Variants in NPFFR2 observed in about 807,000 individuals in gnomAD.
NPFFR2 encodes the protein neuropeptide FF receptor 2, also known as G-protein coupled receptor 74.
NPFFR2 carries 15 observed loss-of-function variants against 13.1 expected under a neutral mutation model. That is an observed-to-expected ratio of 1.15 (90% CI 0.77 to 1.76). NPFFR2 has a LOEUF of 1.76. Ranked by LOEUF, NPFFR2 falls within the 40% of genes most tolerant of loss-of-function variation. NPFFR2 has a pLI of 0.00. For missense variants in NPFFR2, 572 were observed against 503.5 expected, an observed-to-expected ratio of 1.14 and a Z score of -1.30; for synonymous variants, 190 against 175.7, an observed-to-expected ratio of 1.08 and a Z score of -0.65.
chr4:72,073,687 T>A (rs1720334152), intron 1 of NPFFR2, among the ~76,000 whole-genome samples: 1 of 152,020 alleles, frequency 6.6e-6, no homozygotes. Flanking sequence ...TTAGTTTATG[T>A]TTCTTAAAAC....
chr4:72,043,681 C>G (rs1719298791), intron 1 of NPFFR2, among the ~76,000 whole-genome samples: 1 of 152,212 alleles, frequency 6.6e-6, no homozygotes, highest in Admixed American at 6.5e-5. Context: ...AATGGTGTAT[C>G]TACCCAATGC....
rs1250432930 is a variant in NPFFR2 at position 72,147,641 on chromosome 4, C to T, written c.1092C>T (p.Ala364=). Residue 364 remains alanine, a synonymous_variant, in exon 4 of 4, where the codon GCC becomes GCT. Transcript: ENST00000308744. ...GAGCAAAGCCTATGGAAGCTTATGC[C>T]CTAAAAGCTAAAAGCCATGTGCTCA... ...QKRAKPMEAY[A]LKAKSHVLIN... The T allele has an allele frequency of 1.2e-6, 2 of 1,613,952 alleles. No individual in the cohort carries two copies. The highest frequency in any genetic ancestry group is 1.7e-5 in the Admixed American group (1 of 59,970).
chr4:72,082,777 C>T (rs1720665429), intron 1 of NPFFR2, among the ~76,000 whole-genome samples: 1 of 152,018 alleles, frequency 6.6e-6, no homozygotes, highest in Non-Finnish European at 1.5e-5. Flanking sequence ...TAACTGAAAC[C>T]TTGTATCCTT....
intron 3 of NPFFR2, among the ~76,000 whole-genome samples, chr4:72,142,640 G>T (rs1307731302): frequency 6.6e-6 from 1 of 152,058 alleles, no homozygotes; most frequent in Non-Finnish European, 1.5e-5. Context: ...TGAAACTATT[G>T]AATTTTCCAT....
intron 1 of NPFFR2, among the ~76,000 whole-genome samples, chr4:72,044,843 A>T (rs1166374694): frequency 6.6e-6 from 1 of 152,094 alleles, no homozygotes; most frequent in Non-Finnish European, 1.5e-5. Flanking sequence ...CCCATTCAGC[A>T]GAGTCTCTAT....
chr4:72,050,874 G>T (rs1394316086), intron 1 of NPFFR2, among the ~76,000 whole-genome samples: 1 of 148,678 alleles, frequency 6.7e-6, no homozygotes, highest in African/African-American at 2.5e-5. Context: ...TTTGGTTTTT[G>T]TTCTTGCGAT....
At chr4:72,107,387 C>T (rs776081287) in intron 1 of NPFFR2, among the ~76,000 whole-genome samples, 31 of 151,220 alleles carry the variant, frequency 2.0e-4, no homozygotes, top group Middle Eastern at 3.4e-3. Context: ...TTGCCCAATT[C>T]CCGGCTGTGT....
intron 1 of NPFFR2, among the ~76,000 whole-genome samples, chr4:72,032,453 T>G (rs1718950548): frequency 6.6e-6 from 1 of 152,180 alleles, no homozygotes; most frequent in African/African-American, 2.4e-5. Context: ...TCAAGGGATG[T>G]GGGGCGCTTT....
intron 1 of NPFFR2, among the ~76,000 whole-genome samples, chr4:72,081,208 A>C (rs1720607649): frequency 6.6e-6 from 1 of 152,194 alleles, no homozygotes; most frequent in Non-Finnish European, 1.5e-5. Flanking sequence ...TTTTAAAAGA[A>C]AATTTTATTA....
chr4:72,069,064 T>C, intron 1 of NPFFR2: 2 of 663,344 alleles, frequency 3.0e-6, no homozygotes, highest in Admixed American at 3.8e-5. Context: ...GAAAAAGAGA[T>C]AATACCAACA....
intron 2 of NPFFR2, among the ~76,000 whole-genome samples, chr4:72,132,521 G>A (rs1197041310): frequency 6.6e-6 from 1 of 152,164 alleles, no homozygotes; most frequent in Non-Finnish European, 1.5e-5. Context: ...CCTAGTATTG[G>A]GATTGCTGGG....
At chr4:72,122,891 ATAAC>A (rs1560417822) in intron 1 of NPFFR2, among the ~76,000 whole-genome samples, 2 of 152,236 alleles carry the variant, frequency 1.3e-5, no homozygotes, top group African/African-American at 4.8e-5. Flanking sequence ...AAGACAAGAA[ATAAC>A]TAAGATCAGA....
intron 3 of NPFFR2, among the ~76,000 whole-genome samples, chr4:72,146,341 G>A (rs998748122): frequency 6.6e-6 from 1 of 152,110 alleles, no homozygotes; most frequent in African/African-American, 2.4e-5. Context: ...TTGAAGTCTG[G>A]ATTTTAAGAG....
chr4:72,135,519 C>T (rs1001615479), intron 2 of NPFFR2, among the ~76,000 whole-genome samples: 6 of 151,842 alleles, frequency 4.0e-5, no homozygotes, highest in East Asian at 1.9e-4. Context: ...ATACTGTTAC[C>T]GTTATCTTAA....
At chr4:72,144,774 A>G (rs1297361101) in intron 3 of NPFFR2, among the ~76,000 whole-genome samples, 1 of 152,106 alleles carries the variant, frequency 6.6e-6, no homozygotes, top group Admixed American at 6.6e-5. Flanking sequence ...AATTCAAACA[A>G]AAAACCTGAG....
At chr4:72,086,717 A>G (rs939564778) in intron 1 of NPFFR2, among the ~76,000 whole-genome samples, 3 of 152,108 alleles carry the variant, frequency 2.0e-5, no homozygotes, top group Non-Finnish European at 2.9e-5. Context: ...ACCATATTGT[A>G]TGCTATCCTT....
chr4:72,124,372 T>C (rs760656994), intron 1 of NPFFR2, among the ~76,000 whole-genome samples: 17 of 152,172 alleles, frequency 1.1e-4, no homozygotes, highest in Non-Finnish European at 2.2e-4. Context: ...ACGACTGACT[T>C]TCTTCACAGA....
At chr4:72,041,622 A>G (rs1719222114) in intron 1 of NPFFR2, among the ~76,000 whole-genome samples, 1 of 152,222 alleles carries the variant, frequency 6.6e-6, no homozygotes, top group Non-Finnish European at 1.5e-5. Flanking sequence ...CCAACAGTAT[A>G]TAAGCATTCC....
intron 3 of NPFFR2, among the ~76,000 whole-genome samples, chr4:72,138,517 T>G (rs1008883811): frequency 6.6e-6 from 1 of 151,426 alleles, no homozygotes; most frequent in East Asian, 2.0e-4. Flanking sequence ...TGGTGTTTGG[T>G]TTTCTGTCCT....
Sources: allele counts gnomAD v4.1 joint callset (sites outside exome capture counted in the v4.1 genomes callset), GRCh38; gene constraint gnomAD v4.1.1; transcripts MANE v1.5; gene names NCBI Gene and HGNC (gene_info 2026-07-23, HGNC 2026-07-21).